The following ZFHX3 variants were observed in gnomAD, a reference collection of about 807,000 sequenced individuals.
ZFHX3 encodes the protein zinc finger homeobox protein 3.
In ZFHX3, 42 loss-of-function variants were observed where a neutral mutation model predicts 279.1. The observed-to-expected ratio is 0.15, with a 90% CI of 0.12 to 0.19. ZFHX3 has a LOEUF of 0.19. Ranked by LOEUF, ZFHX3 falls within the 10% of genes least tolerant of loss-of-function variation. The pLI, the probability that ZFHX3 is intolerant of heterozygous loss-of-function variation, is 1.00. For synonymous variants in ZFHX3, 2,293 were observed against 1,957.8 expected (o/e 1.17, Z -4.52); for missense variants, 4,981 against 4,754.0 (o/e 1.05, Z -1.40).
intron 2 of ZFHX3, among the ~76,000 whole-genome samples, chr16:73,535,024 A>C (rs1370693437): frequency 6.6e-6 from 1 of 152,032 alleles, no homozygotes; most frequent in African/African-American, 2.4e-5. Context: ...AATGCCTGAC[A>C]ACCAACTCTT....
chr16:73,563,800 C>T (rs1407651202), intron 2 of ZFHX3, among the ~76,000 whole-genome samples: 1 of 152,106 alleles, frequency 6.6e-6, no homozygotes, highest in Non-Finnish European at 1.5e-5. Flanking sequence ...TCCTAGGATT[C>T]TTTTTATCAA....
Position 73,192,510 on chromosome 16 carries a change from T to C in ZFHX3, c.-1103-48679A>G, listed in dbSNP as rs546441651. On this transcript the variant is annotated intron_variant, in intron 5 of 17. Coordinates refer to the ZFHX3 transcript ENST00000641206. ...GAAAGTTACTCAGGATCCGCTGGAC[T>C]CGACAGCTCCTGAGAAATGGAGTCT... Among the ~76,000 whole-genome samples, 265 of 152,296 alleles carry C rather than the reference T, an allele frequency of 1.7e-3. 3 individuals carry two copies. In the South Asian group the frequency reaches 0.029, roughly 17 times the overall value.
At chr16:73,381,267 T>C (rs554321841) in intron 3 of ZFHX3, among the ~76,000 whole-genome samples, 3 of 152,358 alleles carry the variant, frequency 2.0e-5, no homozygotes, top group African/African-American at 7.2e-5. Context: ...GATATTCTAA[T>C]CAGAATTCCA....
At chr16:72,888,576 C>A (rs1041741696) in intron 4 of ZFHX3, among the ~76,000 whole-genome samples, 1 of 152,192 alleles carries the variant, frequency 6.6e-6, no homozygotes, top group South Asian at 2.1e-4. Flanking sequence ...CTGAGAACCA[C>A]CAGCCAGAGT....
intron 4 of ZFHX3, chr16:73,293,863 G>A (rs1330338473): frequency 6.6e-6 from 1 of 152,096 alleles, no homozygotes; most frequent in Non-Finnish European, 1.5e-5. Flanking sequence ...CAAAGACCTC[G>A]AGGATTTGGG....
intron 2 of ZFHX3, among the ~76,000 whole-genome samples, chr16:73,517,758 G>C (rs141431708): frequency 1.3e-5 from 2 of 152,250 alleles, no homozygotes; most frequent in East Asian, 3.9e-4. Flanking sequence ...CTTTAATCTG[G>C]TATAACACCA....
At chr16:73,683,110 A>G (rs751462229) in intron 1 of ZFHX3, among the ~76,000 whole-genome samples, 7 of 152,244 alleles carry the variant, frequency 4.6e-5, no homozygotes, top group Non-Finnish European at 8.8e-5. Flanking sequence ...ACTCTTACAC[A>G]TGCCTTTTAT....
At chr16:72,895,108 C>T (rs546395865) in intron 3 of ZFHX3, among the ~76,000 whole-genome samples, 6 of 152,280 alleles carry the variant, frequency 3.9e-5, no homozygotes, top group Admixed American at 6.5e-5. Flanking sequence ...GTCTACAACA[C>T]GAGACACTGC....
At chr16:73,850,943 A>G (rs1456418814) in intron 1 of ZFHX3, among the ~76,000 whole-genome samples, 8 of 152,056 alleles carry the variant, frequency 5.3e-5, no homozygotes, top group Non-Finnish European at 1.0e-4. Context: ...ACCCACCAAC[A>G]AGGGTGATCT....
At chr16:72,977,594 G>GA (rs1432400823) in intron 1 of ZFHX3, among the ~76,000 whole-genome samples, 7 of 69,234 alleles carry the variant, frequency 1.0e-4, no homozygotes, top group Non-Finnish European at 2.8e-4. Context: ...GTCAGTGGGG[G>GA]GAAAAAAATC....
chr16:73,887,105 G>A (rs2030371824), intron 1 of ZFHX3, among the ~76,000 whole-genome samples: 1 of 152,148 alleles, frequency 6.6e-6, no homozygotes. Context: ...AAAAAATTGG[G>A]ATTGGGCGAT....
chr16:73,639,181 T>C (rs1019447843), intron 2 of ZFHX3, among the ~76,000 whole-genome samples: 17 of 152,164 alleles, frequency 1.1e-4, no homozygotes, highest in African/African-American at 3.6e-4. Flanking sequence ...CTGTAGAACA[T>C]CTTAGAACCT....
chr16:73,502,675 G>A (rs1370402653), intron 2 of ZFHX3, among the ~76,000 whole-genome samples: 1 of 152,222 alleles, frequency 6.6e-6, no homozygotes, highest in African/African-American at 2.4e-5. Context: ...CTTGGACTCA[G>A]TGGATGTGCT....
chr16:73,075,403 TA>T (rs1965876844), intron 8 of ZFHX3, among the ~76,000 whole-genome samples: 1 of 152,092 alleles, frequency 6.6e-6, no homozygotes, highest in East Asian at 1.9e-4. Flanking sequence ...GGCGTAACAA[TA>T]AAACAATCAG....
chr16:72,823,898 C>A (rs150947208), intron 5 of ZFHX3, among the ~76,000 whole-genome samples: 1 of 152,122 alleles, frequency 6.6e-6, no homozygotes, highest in Non-Finnish European at 1.5e-5. Context: ...TTTCCTAACA[C>A]GTTTCCTCTC....
chr16:72,848,436 T>A (rs940343469), intron 4 of ZFHX3, among the ~76,000 whole-genome samples: 7 of 152,128 alleles, frequency 4.6e-5, no homozygotes, highest in African/African-American at 1.4e-4. Flanking sequence ...ACAAGGGGTC[T>A]CTGAGGGTCA....
chr16:73,736,378 C>T (rs180901418), intron 1 of ZFHX3, among the ~76,000 whole-genome samples: 9 of 152,306 alleles, frequency 5.9e-5, no homozygotes, highest in African/African-American at 2.2e-4. Context: ...GTTATTCTAA[C>T]CACTCATGAT....
intron 2 of ZFHX3, among the ~76,000 whole-genome samples, chr16:73,477,324 C>T (rs1362608376): frequency 6.6e-6 from 1 of 152,158 alleles, no homozygotes; most frequent in Non-Finnish European, 1.5e-5. Context: ...TGTACATTGG[C>T]TTTCGTGAGT....
chr16:73,380,120 G>A (rs1300347230), intron 3 of ZFHX3, among the ~76,000 whole-genome samples: 2 of 152,024 alleles, frequency 1.3e-5, no homozygotes, highest in Non-Finnish European at 2.9e-5. Flanking sequence ...TAAGGTTGAA[G>A]GTATAAAACA....
Sources: allele counts gnomAD v4.1 joint callset (sites outside exome capture counted in the v4.1 genomes callset), GRCh38; gene constraint gnomAD v4.1.1; transcripts MANE v1.5; gene names NCBI Gene and HGNC (gene_info 2026-07-23, HGNC 2026-07-21).